CCR3: variants seen among roughly 807,000 people sequenced by gnomAD.
CCR3 encodes the protein C-C motif chemokine receptor 3, also known as C-C chemokine receptor type 3.
For synonymous variants in CCR3, 203 were observed against 179.2 expected, an observed-to-expected ratio of 1.13 and a Z score of -1.06; for missense variants, 419 against 437.5, an observed-to-expected ratio of 0.96 and a Z score of 0.38.
In CCR3 at chr3:46,243,002, T is replaced by TACAC. The variant is rs71095087; in HGVS notation, c.-12+466_-12+467insACAC. Reference sequence around the variant, plus strand: ...ATACACATATATATATATATATATATACGCACACACACATACATTTTTATA... The same window carrying TACAC: ...ATACACATATATATATATATATATATACACACGCACACACACATACATTTTTATA... On this transcript the variant is annotated intron_variant, in intron 1 of 1. Coordinates refer to ENST00000395940, the MANE Select transcript of CCR3 (RefSeq NM_178329.3). 2.5e-3 allele frequency among the ~76,000 whole-genome samples: 310 copies of TACAC among 123,730 alleles called. 9 individuals are homozygous for TACAC. The highest frequency in any genetic ancestry group is 9.0e-3 in the African/African-American group (276 of 30,724). The allele number at this position is 123,730 out of a possible 152,430, so 81.2% of individuals were successfully genotyped here.
intron 2 of CCR3, among the ~76,000 whole-genome samples, chr3:46,214,451 C>T (rs1010641575): frequency 1.3e-5 from 2 of 152,246 alleles, no homozygotes; most frequent in East Asian, 1.9e-4. Flanking sequence ...GTTTTTCCTG[C>T]TCTATTGCAT....
At chr3:46,254,917 C>T (rs1324262698) in intron 1 of CCR3, among the ~76,000 whole-genome samples, 2 of 152,060 alleles carry the variant, frequency 1.3e-5, no homozygotes, top group Admixed American at 6.5e-5. Context: ...GGTAGATACC[C>T]AGGAGTAGGA....
intron 1 of CCR3, among the ~76,000 whole-genome samples, chr3:46,258,689 C>A (rs1296533046): frequency 6.6e-6 from 1 of 152,124 alleles, no homozygotes; most frequent in Non-Finnish European, 1.5e-5. Context: ...GACTCTTATT[C>A]ATATAGTTTT....
Position 46,265,186 on chromosome 3 carries a change from A to G in CCR3, c.28A>G (p.Thr10Ala), listed in dbSNP as rs1372067590. The change falls in exon 2 of 2, where the codon ACC becomes GCC. Residue 10 changes from threonine to alanine, a missense_variant. Coordinates refer to ENST00000395940, the MANE Select transcript of CCR3 (RefSeq NM_178329.3). Reference protein sequence around the residue: MTTSLDTVETFGTTSYYDDV... With the variant: MTTSLDTVEAFGTTSYYDDV... ...GACAACCTCACTAGATACAGTTGAG[A>G]CCTTTGGTACCACATCCTACTATGA... 1 of 1,613,574 alleles carries G rather than the reference A, an allele frequency of 6.2e-7. No individual in the cohort carries two copies.
chr3:46,258,317 A>G (rs951147670), intron 1 of CCR3, among the ~76,000 whole-genome samples: 3 of 152,236 alleles, frequency 2.0e-5, no homozygotes, highest in Non-Finnish European at 4.4e-5. Context: ...ACACGATGCA[A>G]CTAACATTAT....
At chr3:46,236,470 C>T (rs1363879491) in intron 2 of CCR3, among the ~76,000 whole-genome samples, 2 of 152,252 alleles carry the variant, frequency 1.3e-5, no homozygotes, top group Non-Finnish European at 2.9e-5. Flanking sequence ...GTTGTTGCTG[C>T]ATTGGGTAGA....
intron 1 of CCR3, among the ~76,000 whole-genome samples, chr3:46,255,761 G>A (rs1407904433): frequency 6.6e-6 from 1 of 152,052 alleles, no homozygotes; most frequent in Non-Finnish European, 1.5e-5. Context: ...CTATATGCCT[G>A]TTCTTATTCC....
chr3:46,252,650 G>C (rs1700338669), intron 1 of CCR3, among the ~76,000 whole-genome samples: 2 of 152,182 alleles, frequency 1.3e-5, no homozygotes, highest in South Asian at 4.1e-4. Context: ...GCATAGATGG[G>C]AAGCAAGTTG....
At chr3:46,225,219 A>G (rs892090951) in intron 2 of CCR3, among the ~76,000 whole-genome samples, 16 of 152,234 alleles carry the variant, frequency 1.1e-4, no homozygotes, top group African/African-American at 3.9e-4. Context: ...GGAGGTGGGT[A>G]CTGACTGGGA....
Position 46,265,468 on chromosome 3 carries a change from G to T in CCR3, c.310G>T (p.Gly104Cys). 2 of 1,614,138 alleles carry T rather than the reference G, an allele frequency of 1.2e-6. No homozygotes were observed. The highest frequency in any genetic ancestry group is 1.7e-4 in the Middle Eastern group (1 of 6,060). Residue 104 changes from glycine (G) to cysteine (C), a missense_variant, in exon 2 of 2, where the codon GGC (glycine) becomes TGC (cysteine). Gly to Cys is a radical substitution (Grantham distance 159). Coordinates refer to ENST00000395940, the MANE Select transcript of CCR3 (RefSeq NM_178329.3). ...VRGHNWVFGH[G>C]MCKLLSGFYH... is the part of the protein sequence containing the mutation. The stretch of plus-strand genomic sequence containing the variant: ...GGGGCATAACTGGGTTTTTGGCCAT[G>T]GCATGTGTAAGCTCCTCTCAGGGTT...
At chr3:46,235,983 C>T (rs1296861050) in intron 2 of CCR3, among the ~76,000 whole-genome samples, 1 of 152,172 alleles carries the variant, frequency 6.6e-6, no homozygotes, top group Non-Finnish European at 1.5e-5. Context: ...ACTCTTTTTC[C>T]TATCCCTTTT....
At chr3:46,240,669 G>A (rs1260710149), upstream of CCR3, among the ~76,000 whole-genome samples, 1 of 152,178 alleles carries the variant, frequency 6.6e-6, no homozygotes, top group Non-Finnish European at 1.5e-5. Flanking sequence ...GGTCTGTCAT[G>A]ACAACTATGA....
At chr3:46,250,251 C>T (rs1159400136) in intron 1 of CCR3, among the ~76,000 whole-genome samples, 1 of 151,912 alleles carries the variant, frequency 6.6e-6, no homozygotes, top group African/African-American at 2.4e-5. Context: ...GTAAGCCGGA[C>T]CAGGTGTGAG....
intron 1 of CCR3, among the ~76,000 whole-genome samples, chr3:46,259,006 C>T (rs1700477057): frequency 6.6e-6 from 1 of 152,270 alleles, no homozygotes; most frequent in Admixed American, 6.5e-5. Context: ...ATGGCTGTTT[C>T]ACTCTAATAG....
intron 2 of CCR3, among the ~76,000 whole-genome samples, chr3:46,224,614 G>A (rs1476832660): frequency 6.6e-6 from 1 of 151,642 alleles, no homozygotes. Flanking sequence ...GCACACACCT[G>A]TAATCCCAGC....
At chr3:46,257,552 T>C (rs1194204137) in intron 1 of CCR3, among the ~76,000 whole-genome samples, 1 of 151,762 alleles carries the variant, frequency 6.6e-6, no homozygotes, top group Non-Finnish European at 1.5e-5. Context: ...AGTAGGAATT[T>C]GGGTCAGGGC....
intron 2 of CCR3, among the ~76,000 whole-genome samples, chr3:46,234,269 T>C (rs1480575155): frequency 6.6e-6 from 1 of 152,236 alleles, no homozygotes; most frequent in Non-Finnish European, 1.5e-5. Flanking sequence ...GAGTGTTTTC[T>C]AACAGTGCAT....
At chr3:46,215,719 A>T (rs1331553298) in intron 2 of CCR3, among the ~76,000 whole-genome samples, 1 of 152,186 alleles carries the variant, frequency 6.6e-6, no homozygotes, top group African/African-American at 2.4e-5. Context: ...ATCGATGTTT[A>T]CCCTGGGGCT....
Position 46,227,124 on chromosome 3 carries a change from AG to A in CCR3, c.-67-15277del, listed in dbSNP as rs140891302. Among the ~76,000 whole-genome samples, 1,015 of 152,070 alleles carry A rather than the reference AG, an allele frequency of 6.7e-3. 13 individuals carry two copies. The highest frequency in any genetic ancestry group is 0.023 in the African/African-American group (959 of 41,494). On this transcript the variant is annotated intron_variant, in intron 2 of 3. Coordinates refer to the CCR3 transcript ENST00000357422. ...CAAACTCCTGACCTCAGGTAATCCC[AG>A]CCCCTGCCTCAGCCTCTCAAAGTGC... is the stretch of plus-strand genomic sequence containing the variant.
Sources: allele counts gnomAD v4.1 joint callset (sites outside exome capture counted in the v4.1 genomes callset), GRCh38; gene constraint gnomAD v4.1.1; transcripts MANE v1.5; gene names NCBI Gene and HGNC (gene_info 2026-07-23, HGNC 2026-07-21).